FAM133B: variants seen among roughly 807,000 people sequenced by gnomAD.
The protein encoded by FAM133B is protein FAM133B.
Under a neutral mutation model 46.4 loss-of-function variants are expected in FAM133B, and 25 were observed. The observed-to-expected ratio is 0.54, with a 90% CI of 0.39 to 0.75. The LOEUF (loss-of-function observed/expected upper bound fraction) is 0.75, where lower values mean the gene tolerates loss of function less well. Ranked by LOEUF, FAM133B falls within the 30% of genes least tolerant of loss-of-function variation. The pLI is 0.00. For missense variants in FAM133B, 205 were observed against 277.6 expected (o/e 0.74, Z 1.86); for synonymous variants, 75 against 86.0 (o/e 0.87, Z 0.71).
At chr7:92,586,847 G>A (rs1184998692) in intron 1 of FAM133B, among the ~76,000 whole-genome samples, 1 of 152,106 alleles carries the variant, frequency 6.6e-6, no homozygotes, top group Non-Finnish European at 1.5e-5. Context: ...AGAACACTTC[G>A]GAAAATAACA....
At chr7:92,586,532 T>C (rs1250201984) in intron 1 of FAM133B, among the ~76,000 whole-genome samples, 1 of 152,254 alleles carries the variant, frequency 6.6e-6, no homozygotes, top group African/African-American at 2.4e-5. Flanking sequence ...AACATTTCAC[T>C]ATGACTTAAT....
chr7:92,567,312 C>T (rs1451403098), intron 9 of FAM133B, among the ~76,000 whole-genome samples: 1 of 152,222 alleles, frequency 6.6e-6, no homozygotes, highest in Non-Finnish European at 1.5e-5. Flanking sequence ...TCATATTAAA[C>T]TTGCTACCAT....
intron 2 of FAM133B, among the ~76,000 whole-genome samples, chr7:92,580,388 C>G (rs1164267798): frequency 6.6e-6 from 1 of 152,206 alleles, no homozygotes; most frequent in Non-Finnish European, 1.5e-5. Flanking sequence ...AGCAACCATG[C>G]CCAGCCCTGG....
chr7:92,582,788 T>A (rs1478232139), intron 1 of FAM133B, among the ~76,000 whole-genome samples: 1 of 152,196 alleles, frequency 6.6e-6, no homozygotes, highest in Non-Finnish European at 1.5e-5. Flanking sequence ...AACAAAGAGA[T>A]GCCATTCTAT....
chr7:92,577,731 A>T lies in FAM133B; in HGVS notation c.310-14T>A. 6.4e-7 allele frequency: 1 copy of T among 1,560,676 alleles called. No homozygotes were observed. The highest frequency in any genetic ancestry group is 8.7e-7 in the Non-Finnish European group (1 of 1,152,200). ...AGAAGATGAATACTTGACCAAGCACAAAACAATTAAAGCTTGTGAGATGCG... is the reference window on the plus strand; with the variant it reads ...AGAAGATGAATACTTGACCAAGCACTAAACAATTAAAGCTTGTGAGATGCG... On this transcript the variant is annotated splice_polypyrimidine_tract_variant and intron_variant, in intron 5 of 10. Transcript: ENST00000445716.
At chr7:92,566,290 C>T (rs1226597279) in intron 9 of FAM133B, among the ~76,000 whole-genome samples, 1 of 152,008 alleles carries the variant, frequency 6.6e-6, no homozygotes, top group East Asian at 1.9e-4. Context: ...CTCTTATATT[C>T]CCTTTCAGCA....
chr7:92,588,199 C>T (rs1206796118), intron 1 of FAM133B, among the ~76,000 whole-genome samples: 4 of 152,100 alleles, frequency 2.6e-5, no homozygotes, highest in Non-Finnish European at 4.4e-5. Flanking sequence ...TAGCTGCATA[C>T]CAAAAGTAGT....
In FAM133B at chr7:92,578,980, G is replaced by A. The variant is rs141456003; in HGVS notation, c.201+337C>T. ...AGGAGGACTGCTCAACCCTAACTTG[G>A]AATCCAAGTTATCTAAGTCTTAGAT... On this transcript the variant is annotated intron_variant, in intron 3 of 10. Transcript: ENST00000445716. 1.1e-4 allele frequency among the ~76,000 whole-genome samples: 17 copies of A among 152,130 alleles called. No individual in the cohort carries two copies. In the East Asian group the frequency reaches 3.3e-3, roughly 29 times the overall value.
At chr7:92,569,637 A>C (rs920132153) in intron 9 of FAM133B, 186 bp downstream of exon 9, 18 of 343,328 alleles carry the variant, frequency 5.2e-5, no homozygotes, top group Non-Finnish European at 9.1e-5. Context: ...ATTATAAAAA[A>C]TAATAGATAA....
Position 92,575,807 on chromosome 7 carries a change from C to T in FAM133B, c.480G>A (p.Lys160=), listed in dbSNP as rs1290174943. The T allele has an allele frequency of 7.6e-7, 1 of 1,323,912 alleles. No homozygotes were observed. The allele number at this position is 1,323,912 out of a possible 1,614,324, so 82.0% of individuals were successfully genotyped here. The change falls in exon 8 of 11, where the codon AAG becomes AAA. Residue 160 remains lysine (K), a synonymous_variant. Transcript: ENST00000445716. ...TESDSKDSLK[K]KKKSKDGTEK... Reference sequence around the variant, plus strand: ...CAGTTCCATCTTTTGACTTCTTTTTCTTTTTTAAACTATCCTAAACAAAGA... The same window carrying T: ...CAGTTCCATCTTTTGACTTCTTTTTTTTTTTTAAACTATCCTAAACAAAGA...
intron 1 of FAM133B, among the ~76,000 whole-genome samples, chr7:92,582,258 AATAAC>A (rs199980853): frequency 0.054 from 8,039 of 147,912 alleles, 278 homozygotes; most frequent in South Asian, 0.077. Flanking sequence ...AAATAAAATA[AATAAC>A]ATAACATAAC....
intron 1 of FAM133B, among the ~76,000 whole-genome samples, chr7:92,584,050 A>C (rs1261282674): frequency 2.3e-5 from 3 of 132,952 alleles, no homozygotes; most frequent in African/African-American, 9.1e-5. Flanking sequence ...ACTGTCTCAA[A>C]AAAAAAAAAA....
In FAM133B at chr7:92,573,027, T is replaced by TA. The variant is rs968017367; in HGVS notation, c.516+2743dup. 1.4e-3 allele frequency among the ~76,000 whole-genome samples: 199 copies of TA among 147,130 alleles called. 1 individual carries two copies. Among genetic ancestry groups the TA allele is most frequent in the African/African-American group, 4.5e-3 (179 of 40,102 alleles). ...TCCCATTCCAGTAGGTATAACTAAT[T>TA]AAAAAAAAAAGAAACTCAATATTCT... On this transcript the variant is annotated intron_variant, in intron 8 of 10. Transcript: ENST00000445716.
At chr7:92,571,423 T>G (rs1009240419) in intron 8 of FAM133B, among the ~76,000 whole-genome samples, 2 of 152,228 alleles carry the variant, frequency 1.3e-5, no homozygotes, top group African/African-American at 4.8e-5. Context: ...TTTTTCTTAG[T>G]CTGTTCATTG....
intron 10 of FAM133B, chr7:92,565,743 G>A (rs1044704971): frequency 4.8e-5 from 19 of 392,644 alleles, no homozygotes; most frequent in Admixed American, 1.5e-4. Flanking sequence ...GATTACAGGC[G>A]TGAGACACAG....
At chr7:92,583,401 T>C (rs936936032) in intron 1 of FAM133B, among the ~76,000 whole-genome samples, 8 of 152,226 alleles carry the variant, frequency 5.3e-5, no homozygotes, top group African/African-American at 1.9e-4. Context: ...TGCACAACAC[T>C]ATGAATGTAC....
intron 1 of FAM133B, among the ~76,000 whole-genome samples, chr7:92,585,813 C>T (rs1795021935): frequency 1.3e-5 from 2 of 151,918 alleles, no homozygotes; most frequent in Non-Finnish European, 2.9e-5. Context: ...CTTTATAAAA[C>T]AAAAAATGTA....
chr7:92,580,887 C>G (rs943700291), intron 2 of FAM133B, among the ~76,000 whole-genome samples: 1 of 152,196 alleles, frequency 6.6e-6, no homozygotes, highest in African/African-American at 2.4e-5. Flanking sequence ...GGTAAACAAT[C>G]CTTACTTCTT....
At position 92,561,177 on chromosome 7, in the gene FAM133B, G is replaced by GT. The variant is rs1224343242; in HGVS notation, c.*1104dup. Reference sequence around the variant, plus strand: ...CAGGCTTGCCACTCAACTTGTTATTGTAAGTCTCAGCTTCAATATGAAGCC... The same window carrying GT: ...CAGGCTTGCCACTCAACTTGTTATTGTTAAGTCTCAGCTTCAATATGAAGCC... On this transcript the variant is annotated 3_prime_UTR_variant, in exon 11 of 11. Transcript: ENST00000445716. 2.1e-5 allele frequency: 3 copies of GT among 144,796 alleles called. No individual in the cohort carries two copies. The highest frequency in any genetic ancestry group is 4.5e-5 in the Non-Finnish European group (3 of 66,514). The allele number at this position is 144,796 out of a possible 1,614,324, so 9.0% of individuals were successfully genotyped here. A position where few individuals can be genotyped will look rare whatever the true frequency, so the allele number is the denominator to read the frequency against.
Sources: gnomAD v4.1 joint callset for allele counts (sites outside exome capture counted in the v4.1 genomes callset) on GRCh38, gnomAD v4.1.1 for gene constraint, MANE v1.5 for transcripts, NCBI Gene and HGNC (gene_info 2026-07-23, HGNC 2026-07-21) for gene names.